The following ASB2 variants were observed in gnomAD, a reference collection of about 807,000 sequenced individuals.
The protein encoded by ASB2 is ankyrin repeat and SOCS box containing 2.
Under a neutral mutation model 62.4 loss-of-function variants are expected in ASB2, and 58 were observed. The ratio of observed to expected loss-of-function variants is 0.93; its 90% CI spans 0.75 to 1.16. The LOEUF is 1.16. ASB2 is among the 50% of genes most tolerant of loss of function. The pLI, the probability that ASB2 is intolerant of heterozygous loss-of-function variation, is 0.00. For missense variants in ASB2, 928 were observed against 887.9 expected, an observed-to-expected ratio of 1.05 and a Z score of -0.57; for synonymous variants, 386 against 385.3, an observed-to-expected ratio of 1.00 and a Z score of -0.02.
intron 3 of ASB2, among the ~76,000 whole-genome samples, chr14:93,956,525 G>T (rs560522834): frequency 6.6e-6 from 1 of 152,074 alleles, no homozygotes; most frequent in African/African-American, 2.4e-5. Flanking sequence ...GCATCTGAGG[G>T]GGGGATCACC....
chr14:93,953,558 G>C (rs763995722), intron 4 of ASB2, 51 bp from the exon 5 acceptor site: 466 of 1,467,742 alleles, frequency 3.2e-4, no homozygotes, highest in Non-Finnish European at 4.2e-4. Flanking sequence ...ACTCAGCCCC[G>C]CAACACAGAG....
chr14:93,961,473 G>A (rs983321536), intron 2 of ASB2, among the ~76,000 whole-genome samples: 1 of 152,242 alleles, frequency 6.6e-6, no homozygotes, highest in Non-Finnish European at 1.5e-5. Flanking sequence ...AATGGCAGAA[G>A]CAGAGAAATA....
intron 8 of ASB2, among the ~76,000 whole-genome samples, chr14:93,938,406 A>AT (rs962752531): frequency 5.3e-5 from 8 of 151,710 alleles, no homozygotes; most frequent in African/African-American, 1.2e-4. Flanking sequence ...CACTTGGCTA[A>AT]TTTTTTTGTA....
intron 7 of ASB2, among the ~76,000 whole-genome samples, chr14:93,946,272 A>G (rs1222800244): frequency 6.6e-6 from 1 of 152,112 alleles, no homozygotes; most frequent in Admixed American, 6.5e-5. Flanking sequence ...TGACCCGCAT[A>G]CCCGCAGCAC....
chr14:93,944,157 C>G, intron 7 of ASB2: 1 of 366,566 alleles, frequency 2.7e-6, no homozygotes, highest in Non-Finnish European at 5.4e-6. Flanking sequence ...AGGTGGGGCC[C>G]AGGCATCAGG....
Position 93,947,373 on chromosome 14 carries a change from A to T in ASB2, c.1028T>A (p.Ile343Asn). Residue 343 changes from isoleucine (I) to asparagine (N), a missense_variant, in exon 7 of 10, where the codon ATC (isoleucine) becomes AAC (asparagine). Coordinates refer to ENST00000555019, the MANE Select transcript of ASB2 (RefSeq NM_001202429.2). Reference sequence around the variant, plus strand: ...CCTGTAGTTGCCCTTCTTGGAGGCGATGTGCAGCGGGAGCAAGCCGTCCTT... The same window carrying T: ...CCTGTAGTTGCCCTTCTTGGAGGCGTTGTGCAGCGGGAGCAAGCCGTCCTT... ...TNKDGLLPLH[I>N]ASKKGNYRIV... 1.2e-6 allele frequency: 2 copies of T among 1,614,108 alleles called. No individual in the cohort carries two copies. The highest frequency in any genetic ancestry group is 1.7e-6 in the Non-Finnish European group (2 of 1,180,008).
intron 1 of ASB2, among the ~76,000 whole-genome samples, chr14:93,967,664 A>C (rs150633780): frequency 6.6e-6 from 1 of 152,230 alleles, no homozygotes; most frequent in East Asian, 1.9e-4. Context: ...CAGATTTTTC[A>C]GTTCTAAAGA....
Position 93,964,515 on chromosome 14 carries a change from C to T in ASB2, c.25G>A (p.Gly9Ser), listed in dbSNP as rs1036859491. MATQISTR[G>S]SQCTIGQEEY... ...TCCTGCCCAATGGTACACTGGCTGCCCCGAGTGCTGATCTGCGTGGCCATC... is the reference window on the plus strand; with the variant it reads ...TCCTGCCCAATGGTACACTGGCTGCTCCGAGTGCTGATCTGCGTGGCCATC... The change falls in exon 2 of 10, where the codon GGC (glycine) becomes AGC (serine). Residue 9 changes from glycine (G) to serine (S), a missense_variant. Physicochemically the swap from Gly to Ser is moderately conservative, Grantham distance 56. Transcript: ENST00000555019. 1.3e-6 allele frequency: 2 copies of T among 1,536,120 alleles called. No individual in the cohort carries two copies. Among genetic ancestry groups the T allele is most frequent in the African/African-American group, 1.4e-5 (1 of 73,156 alleles).
chr14:93,936,500 C>T (rs1888276150), intron 9 of ASB2, among the ~76,000 whole-genome samples: 2 of 152,172 alleles, frequency 1.3e-5, no homozygotes, highest in Non-Finnish European at 2.9e-5. Context: ...TTCATTAGTT[C>T]CCTGAAGGTT....
chr14:93,972,351 G>A (rs193105161), intron 1 of ASB2, among the ~76,000 whole-genome samples: 5 of 152,130 alleles, frequency 3.3e-5, no homozygotes, highest in South Asian at 2.1e-4. Context: ...TGGAGTGCTC[G>A]GAGGTGTAGG....
intron 1 of ASB2, among the ~76,000 whole-genome samples, chr14:93,970,722 G>A (rs957834390): frequency 3.9e-5 from 6 of 152,120 alleles, no homozygotes; most frequent in African/African-American, 9.7e-5. Context: ...AGTGGTAGAC[G>A]GTGGCACGGC....
At position 93,937,690 on chromosome 14, in the gene ASB2, G is replaced by A. The variant is rs377328485; in HGVS notation, c.1771+8C>T. 5.0e-6 allele frequency: 8 copies of A among 1,598,874 alleles called. No individual in the cohort carries two copies. Among genetic ancestry groups the A allele is most frequent in the South Asian group, 3.3e-5 (3 of 90,748 alleles). ...CTGCCAGCCTTGGCAGCAGCAGCAA[G>A]TCCCTACCTGCCTTCTCCTTGATGA... On this transcript the variant is annotated splice_region_variant and intron_variant, in intron 9 of 9. Transcript: ENST00000555019.
intron 7 of ASB2, chr14:93,942,159 G>A (rs1888550042): frequency 2.2e-6 from 1 of 455,484 alleles, no homozygotes; most frequent in African/African-American, 2.0e-5. Context: ...ACAAGGGGGT[G>A]ACCCCACCAA....
intron 8 of ASB2, among the ~76,000 whole-genome samples, chr14:93,938,157 C>T (rs1353519461): frequency 1.3e-5 from 2 of 151,332 alleles, no homozygotes; most frequent in East Asian, 2.0e-4. Context: ...GTAGGCAGCC[C>T]ATGAATGATC....
Position 93,934,434 on chromosome 14 carries a change from G to A in ASB2, c.*222C>T. The A allele has an allele frequency of 1.8e-6, 1 of 563,920 alleles. No individual in the cohort carries two copies. Among genetic ancestry groups the A allele is most frequent in the Non-Finnish European group, 3.2e-6 (1 of 315,120 alleles). 34.9% of individuals were successfully genotyped at this position (563,920 alleles called of 1,614,324 possible). On this transcript the variant is annotated 3_prime_UTR_variant, in exon 10 of 10. Coordinates refer to ENST00000555019, the MANE Select transcript of ASB2 (RefSeq NM_001202429.2). ...GAGAAGGTCTGGGATCTGCTCATCA[G>A]TTTGTAAACAAATGATTCTTCTCCT... is the stretch of plus-strand genomic sequence containing the variant.
intron 1 of ASB2, among the ~76,000 whole-genome samples, chr14:93,967,756 G>A (rs1950349): frequency 0.66 from 100,245 of 151,950 alleles, 34,972 homozygotes; most frequent in East Asian, 0.98. Context: ...CCCTATGGCC[G>A]TGTCGACAAA....
rs1479613132 is a variant in ASB2, at chr14:93,947,433, A to G, written c.968T>C (p.Leu323Pro). The change falls in exon 7 of 10, where the codon CTG becomes CCG. Residue 323 changes from leucine to proline, a missense_variant. Physicochemically the swap from Leu to Pro is moderately conservative, Grantham distance 98. Transcript: ENST00000555019. ...GTTGGCGTCGGCACCCTGTGACAGC[A>G]GAAACTCCACCACCTCCTCATGCTC... ...KNEHEEVVEF[L>P]LSQGADANKT... 2 of 1,614,126 alleles carry G rather than the reference A, an allele frequency of 1.2e-6. No individual in the cohort carries two copies. Among genetic ancestry groups the G allele is most frequent in the African/African-American group, 1.3e-5 (1 of 74,950 alleles).
In ASB2 at chr14:93,952,663, G is replaced by A. The variant is rs923584614; in HGVS notation, c.634+689C>T. Among the ~76,000 whole-genome samples, 7 of 152,274 alleles carry A rather than the reference G, an allele frequency of 4.6e-5. No homozygotes were observed. The East Asian group carries it at 1.4e-3, about 29-fold the overall frequency. ...CCTTGCAAGCTGTGTGATCCTGGGCGACCCATTTAATGTCTTGGTGCCTTA... is the reference window on the plus strand; with the variant it reads ...CCTTGCAAGCTGTGTGATCCTGGGCAACCCATTTAATGTCTTGGTGCCTTA... On this transcript the variant is annotated intron_variant, in intron 5 of 9. Coordinates refer to ENST00000555019, the MANE Select transcript of ASB2 (RefSeq NM_001202429.2).
intron 7 of ASB2, among the ~76,000 whole-genome samples, chr14:93,946,574 A>G (rs1888731402): frequency 4.6e-5 from 7 of 152,216 alleles, no homozygotes; most frequent in Admixed American, 4.6e-4. Context: ...TCGGTTCCTG[A>G]GAACAGGCAC....
Sources: gnomAD v4.1 joint callset for allele counts (sites outside exome capture counted in the v4.1 genomes callset) on GRCh38, gnomAD v4.1.1 for gene constraint, MANE v1.5 for transcripts, NCBI Gene and HGNC (gene_info 2026-07-23, HGNC 2026-07-21) for gene names.